The following RAPGEF1 variants were observed in gnomAD, a reference collection of about 807,000 sequenced individuals.
RAPGEF1 encodes the protein CRK SH3-binding GNRP.
In RAPGEF1, 33 loss-of-function variants were observed where a neutral mutation model predicts 143.3. The ratio of observed to expected loss-of-function variants is 0.23; its 90% CI spans 0.17 to 0.31. RAPGEF1 has a LOEUF of 0.31. RAPGEF1 is among the 10% of genes least tolerant of loss of function. The pLI, the probability that RAPGEF1 is intolerant of heterozygous loss-of-function variation, is 1.00. For missense variants in RAPGEF1, 1,199 were observed against 1,645.4 expected (o/e 0.73, Z 4.69); for synonymous variants, 629 against 676.5 (o/e 0.93, Z 1.09).
Position 131,584,619 on chromosome 9 carries a change from A to C in RAPGEF1, c.3234-23T>G. 3 of 1,612,656 alleles carry C rather than the reference A, an allele frequency of 1.9e-6. No individual in the cohort carries two copies. The highest frequency in any genetic ancestry group is 2.5e-6 in the Non-Finnish European group (3 of 1,178,702). On this transcript the variant is annotated intron_variant, in intron 22 of 26. Transcript: ENST00000683357. The surrounding 1 kb of genome is among the most constrained non-coding windows in gnomAD (Gnocchi z 6.8). ...ACCCTGCATGGACCAAGGGAAAAAGAAACAGCTGAGTTGACAAGTCCCTGC... is the reference window on the plus strand; with the variant it reads ...ACCCTGCATGGACCAAGGGAAAAAGCAACAGCTGAGTTGACAAGTCCCTGC...
At chr9:131,678,044 T>C (rs559572371) in intron 1 of RAPGEF1, among the ~76,000 whole-genome samples, 45 of 152,266 alleles carry the variant, frequency 3.0e-4, no homozygotes, top group South Asian at 1.0e-3. Flanking sequence ...CAGCTGTTTC[T>C]GCTTAGAATC....
In RAPGEF1 at chr9:131,604,920, T is replaced by C; in HGVS notation, c.2319+11A>G. 7.7e-7 allele frequency: 1 copy of C among 1,294,958 alleles called. No individual in the cohort carries two copies. The highest frequency in any genetic ancestry group is 1.2e-5 in the South Asian group (1 of 80,652). The allele number at this position is 1,294,958 out of a possible 1,614,324, so 80.2% of individuals were successfully genotyped here. On this transcript the variant is annotated intron_variant, in intron 13 of 26. Transcript: ENST00000683357. Reference sequence around the variant, plus strand: ...TGTGTGTGTGTGTGTGTGTGCACGCTGAGTTCTCACCGAGTCAGTGAAAGA... The same window carrying C: ...TGTGTGTGTGTGTGTGTGTGCACGCCGAGTTCTCACCGAGTCAGTGAAAGA...
chr9:131,629,636 C>T (rs979277825), intron 6 of RAPGEF1, among the ~76,000 whole-genome samples: 13 of 151,956 alleles, frequency 8.6e-5, no homozygotes, highest in African/African-American at 2.9e-4. Flanking sequence ...ACTAAAAATA[C>T]AAAAATTAGC....
At chr9:131,672,939 AGCCCTACT>A (rs1222425987) in intron 1 of RAPGEF1, among the ~76,000 whole-genome samples, 1 of 152,182 alleles carries the variant, frequency 6.6e-6, no homozygotes, top group Non-Finnish European at 1.5e-5. Flanking sequence ...TATCTCCTGA[AGCCCTACT>A]GCGTGTGTGG....
chr9:131,722,236 ATGCC>A (rs1836318594), intron 1 of RAPGEF1, among the ~76,000 whole-genome samples: 1 of 152,190 alleles, frequency 6.6e-6, no homozygotes, highest in Non-Finnish European at 1.5e-5. Flanking sequence ...CAGCGGTACC[ATGCC>A]ACCTAACAGG....
intron 17 of RAPGEF1, 122 bp from the exon 18 acceptor site, chr9:131,592,305 G>T: frequency 1.3e-6 from 1 of 741,922 alleles, no homozygotes. Context: ...GAGTGGGATG[G>T]GCGAGGGAGC....
In RAPGEF1 at chr9:131,619,945, C is replaced by T. The variant is rs187328198; in HGVS notation, c.1906-739G>A. ...TGGCTCCCAGGTCTTCTGTTTCTAG[C>T]TGTGGGCTTGGATTAAGGTTCGCTG... On this transcript the variant is annotated intron_variant, in intron 11 of 26. Transcript: ENST00000683357. 2.6e-3 allele frequency among the ~76,000 whole-genome samples: 391 copies of T among 152,242 alleles called. 2 individuals carry two copies. The highest frequency in any genetic ancestry group is 8.7e-3 in the African/African-American group (360 of 41,536).
chr9:131,662,524 T>C (rs1435204241), intron 1 of RAPGEF1, among the ~76,000 whole-genome samples: 2 of 151,748 alleles, frequency 1.3e-5, no homozygotes, highest in African/African-American at 4.8e-5. Flanking sequence ...TGCGCCACTA[T>C]GCCTGGCTAA....
intron 1 of RAPGEF1, among the ~76,000 whole-genome samples, chr9:131,662,705 A>AT (rs1038651291): frequency 6.6e-5 from 10 of 150,884 alleles, no homozygotes; most frequent in East Asian, 1.9e-4. Flanking sequence ...TGCCTGGCTA[A>AT]TTTTTTTTTG....
At chr9:131,599,504 T>C (rs957251935) in intron 15 of RAPGEF1, among the ~76,000 whole-genome samples, 1 of 150,232 alleles carries the variant, frequency 6.7e-6, no homozygotes, top group Non-Finnish European at 1.5e-5. Context: ...AAGGGTACCA[T>C]GAGCACAGCC....
chr9:131,676,611 G>A (rs931547770), intron 1 of RAPGEF1, among the ~76,000 whole-genome samples: 4 of 152,176 alleles, frequency 2.6e-5, no homozygotes, highest in Non-Finnish European at 5.9e-5. Context: ...AGGCTGGGAC[G>A]AAATCCCAAG....
intron 1 of RAPGEF1, among the ~76,000 whole-genome samples, chr9:131,701,559 A>G (rs917928018): frequency 6.6e-6 from 1 of 152,252 alleles, no homozygotes; most frequent in Non-Finnish European, 1.5e-5. Context: ...ATATGTTATT[A>G]TTGTATCATT....
intron 1 of RAPGEF1, among the ~76,000 whole-genome samples, chr9:131,733,355 G>A (rs1463758024): frequency 4.4e-5 from 3 of 67,598 alleles, no homozygotes; most frequent in Admixed American, 1.3e-4. Flanking sequence ...TAAAAAAGCC[G>A]GGGCGGGGGC....
At chr9:131,594,832 G>A (rs1432239564) in intron 17 of RAPGEF1, among the ~76,000 whole-genome samples, 3 of 152,224 alleles carry the variant, frequency 2.0e-5, no homozygotes, top group African/African-American at 7.2e-5. Context: ...GGCCACAGCT[G>A]GCTGTACCCG....
intron 12 of RAPGEF1, among the ~76,000 whole-genome samples, chr9:131,608,895 G>A (rs1033240286): frequency 2.1e-4 from 32 of 152,220 alleles, no homozygotes; most frequent in Non-Finnish European, 5.9e-5. Flanking sequence ...GAGAAAGGCA[G>A]GGCGGGCCAT....
In RAPGEF1 at chr9:131,667,899, C is replaced by A. The variant is rs1391501154; in HGVS notation, c.62-16950G>T. On this transcript the variant is annotated intron_variant, in intron 1 of 26. Transcript: ENST00000683357. The surrounding 1 kb of genome is among the most constrained non-coding windows in gnomAD (Gnocchi z 4.6). ...ATACAGTACTGCACATACAGTGAGT[C>A]ACTAAGCCCAGTCCTGGCACTTAGT... is the stretch of plus-strand genomic sequence containing the variant. 6.6e-6 allele frequency among the ~76,000 whole-genome samples: 1 copy of A among 152,192 alleles called. No individual in the cohort carries two copies. Among genetic ancestry groups the A allele is most frequent in the Non-Finnish European group, 1.5e-5 (1 of 68,034 alleles).
At chr9:131,678,072 C>T (rs891934560) in intron 1 of RAPGEF1, among the ~76,000 whole-genome samples, 4 of 152,218 alleles carry the variant, frequency 2.6e-5, no homozygotes, top group Admixed American at 6.5e-5. Flanking sequence ...ACGCAAACCA[C>T]GGAGCTAATG....
At chr9:131,591,373 CAA>C (rs1191780043) in intron 18 of RAPGEF1, among the ~76,000 whole-genome samples, 5 of 152,186 alleles carry the variant, frequency 3.3e-5, no homozygotes, top group Non-Finnish European at 5.9e-5. Flanking sequence ...GGGCTATGTG[CAA>C]AGAGGTGGCT....
At chr9:131,659,697 A>C (rs1377979743) in intron 1 of RAPGEF1, among the ~76,000 whole-genome samples, 2 of 152,224 alleles carry the variant, frequency 1.3e-5, no homozygotes, top group African/African-American at 4.8e-5. Context: ...ATATATAGCA[A>C]ATACTTAATA....
Sources: allele counts gnomAD v4.1 joint callset (sites outside exome capture counted in the v4.1 genomes callset), GRCh38; gene constraint gnomAD v4.1.1; non-coding constraint Gnocchi (gnomAD v3.1); transcripts MANE v1.5; gene names NCBI Gene and HGNC (gene_info 2026-07-23, HGNC 2026-07-21).